The following CERS6 variants were observed in gnomAD, a reference collection of about 807,000 sequenced individuals.
The protein encoded by CERS6 is LAG1 homolog, ceramide synthase 6.
CERS6 carries 26 observed loss-of-function variants against 56.8 expected under a neutral mutation model. That is an observed-to-expected ratio of 0.46 (90% CI 0.34 to 0.63). CERS6 has a LOEUF of 0.63. Ranked by LOEUF, CERS6 falls within the 30% of genes least tolerant of loss-of-function variation. The probability of loss-of-function intolerance (pLI) is 0.01; values close to 1 mark genes in which losing one functional copy is unlikely to be tolerated. For synonymous variants in CERS6, 164 were observed against 173.3 expected (o/e 0.95, Z 0.42); for missense variants, 415 against 467.5 (o/e 0.89, Z 1.04).
At chr2:168,522,062 A>G (rs1694993095) in intron 1 of CERS6, among the ~76,000 whole-genome samples, 2 of 152,128 alleles carry the variant, frequency 1.3e-5, no homozygotes, top group Non-Finnish European at 2.9e-5. Flanking sequence ...GGGAAAATTT[A>G]TTGCGCAAAT....
chr2:168,647,606 G>C (rs551407420), intron 4 of CERS6, among the ~76,000 whole-genome samples: 1 of 152,314 alleles, frequency 6.6e-6, no homozygotes, highest in African/African-American at 2.4e-5. Context: ...CAAGGGGAAT[G>C]CTTCCAGCTT....
At chr2:168,644,843 C>T (rs557940571) in intron 4 of CERS6, among the ~76,000 whole-genome samples, 43 of 151,764 alleles carry the variant, frequency 2.8e-4, no homozygotes, top group African/African-American at 9.9e-4. Context: ...CCTGTAATCC[C>T]AGCACTTTGG....
intron 3 of CERS6, among the ~76,000 whole-genome samples, chr2:168,566,170 A>G (rs1695879735): frequency 6.6e-6 from 1 of 152,220 alleles, no homozygotes; most frequent in Admixed American, 6.5e-5. Context: ...GGGAGGAAAT[A>G]TAATACAGGG....
At chr2:168,536,019 A>G (rs894763479) in intron 1 of CERS6, among the ~76,000 whole-genome samples, 1 of 152,076 alleles carries the variant, frequency 6.6e-6, no homozygotes, top group Admixed American at 6.5e-5. Flanking sequence ...GTGAAAATCT[A>G]GGATGTAGAA....
At chr2:168,758,559 A>G (rs976532153) in intron 8 of CERS6, among the ~76,000 whole-genome samples, 20 of 152,218 alleles carry the variant, frequency 1.3e-4, no homozygotes, top group African/African-American at 4.8e-4. Context: ...GGTATCATCA[A>G]AAACATGCAC....
intron 4 of CERS6, among the ~76,000 whole-genome samples, chr2:168,655,986 T>C (rs1238102912): frequency 1.3e-5 from 2 of 152,218 alleles, no homozygotes; most frequent in Admixed American, 6.5e-5. Flanking sequence ...CCTCAAATAT[T>C]ACATGATAAA....
At chr2:168,715,611 T>A (rs1310170615) in intron 7 of CERS6, among the ~76,000 whole-genome samples, 1 of 152,144 alleles carries the variant, frequency 6.6e-6, no homozygotes, top group Admixed American at 6.5e-5. Context: ...GAAACTATGT[T>A]TTCTATATAT....
At chr2:168,726,026 T>C (rs1683341246) in intron 8 of CERS6, among the ~76,000 whole-genome samples, 1 of 152,218 alleles carries the variant, frequency 6.6e-6, no homozygotes, top group Non-Finnish European at 1.5e-5. Flanking sequence ...GTAAAAGCTG[T>C]GGTTTTAATA....
chr2:168,600,212 T>C (rs199892102), intron 3 of CERS6, among the ~76,000 whole-genome samples: 5 of 15,918 alleles, frequency 3.1e-4, no homozygotes, highest in African/African-American at 7.4e-4. Flanking sequence ...CTCTCTCTCT[T>C]TTTTTTTTTT....
At chr2:168,752,634 T>C (rs1684307171) in intron 8 of CERS6, among the ~76,000 whole-genome samples, 1 of 152,148 alleles carries the variant, frequency 6.6e-6, no homozygotes, top group Non-Finnish European at 1.5e-5. Flanking sequence ...GCAGCTACAG[T>C]ATACCTAAAC....
intron 2 of CERS6, among the ~76,000 whole-genome samples, chr2:168,552,216 C>T (rs1270546357): frequency 1.3e-5 from 2 of 151,630 alleles, no homozygotes; most frequent in East Asian, 1.9e-4. Context: ...TAATATTAAC[C>T]TAGGTGTTTG....
rs1210101843 is a variant in CERS6 at position 168,769,922 on chromosome 2, T to G, written c.*260T>G. On this transcript the variant is annotated 3_prime_UTR_variant, in exon 10 of 10. Transcript: ENST00000305747. ...TGTACTGTCTTAGAATATTATTTAT[T>G]TTTTTGTATTTGTAAATCTGTGGAC... The G allele has an allele frequency of 1.3e-5, 5 of 386,384 alleles. No homozygotes were observed. The highest frequency in any genetic ancestry group is 2.3e-5 in the Non-Finnish European group (5 of 218,246). The allele number at this position is 386,384 out of a possible 1,614,324, so 23.9% of individuals were successfully genotyped here. A position where few individuals can be genotyped will look rare whatever the true frequency, so the allele number is the denominator to read the frequency against.
chr2:168,496,372 T>C (rs1251033582), intron 1 of CERS6, among the ~76,000 whole-genome samples: 1 of 151,660 alleles, frequency 6.6e-6, no homozygotes, highest in Non-Finnish European at 1.5e-5. Context: ...TGGTAACATA[T>C]TGTATGTAAA....
intron 1 of CERS6, among the ~76,000 whole-genome samples, chr2:168,545,032 T>C (rs904631110): frequency 6.6e-6 from 1 of 152,040 alleles, no homozygotes; most frequent in Non-Finnish European, 1.5e-5. Context: ...TACCCATGGC[T>C]CCTGTCAAAC....
chr2:168,470,241 G>C (rs2105324022), intron 1 of CERS6, among the ~76,000 whole-genome samples: 1 of 149,596 alleles, frequency 6.7e-6, no homozygotes, highest in East Asian at 1.9e-4. Flanking sequence ...AAATTAGCTG[G>C]GCGTGGTGGT....
At chr2:168,656,468 G>A (rs950120352) in intron 4 of CERS6, among the ~76,000 whole-genome samples, 5 of 151,770 alleles carry the variant, frequency 3.3e-5, no homozygotes, top group African/African-American at 9.7e-5. Flanking sequence ...AGATGTGTTC[G>A]GAGTTTCTTC....
At chr2:168,616,635 CAA>C (rs1684325014) in intron 3 of CERS6, among the ~76,000 whole-genome samples, 1 of 152,070 alleles carries the variant, frequency 6.6e-6, no homozygotes, top group African/African-American at 2.4e-5. Context: ...TTAAAAAAGA[CAA>C]AGAGGAACAT....
At chr2:168,644,056 T>G in intron 4 of CERS6, 1 of 981,520 alleles carries the variant, frequency 1.0e-6, no homozygotes, top group Non-Finnish European at 1.2e-6. Context: ...TAAAAATCTT[T>G]CTGTGGAAAG....
chr2:168,699,246 G>C (rs1686744542), intron 6 of CERS6, among the ~76,000 whole-genome samples: 1 of 152,132 alleles, frequency 6.6e-6, no homozygotes, highest in Admixed American at 6.5e-5. Flanking sequence ...TTCTGTATTG[G>C]AACTATTAAC....
Sources: allele counts gnomAD v4.1 joint callset (sites outside exome capture counted in the v4.1 genomes callset), GRCh38; gene constraint gnomAD v4.1.1; transcripts MANE v1.5; gene names NCBI Gene and HGNC (gene_info 2026-07-23, HGNC 2026-07-21).